Variants in HDAC4 observed in about 807,000 individuals in gnomAD.
The protein encoded by HDAC4 is histone deacetylase A.
HDAC4 carries 16 observed loss-of-function variants against 135.1 expected under a neutral mutation model. The observed-to-expected ratio is 0.12, with a 90% CI of 0.08 to 0.18. The LOEUF (loss-of-function observed/expected upper bound fraction) is 0.18, where lower values mean the gene tolerates loss of function less well. Among genes scored for constraint, HDAC4 ranks in the 10% least tolerant of loss-of-function variants. The pLI, the probability that HDAC4 is intolerant of heterozygous loss-of-function variation, is 1.00. For missense variants in HDAC4, 1,143 were observed against 1,511.8 expected (o/e 0.76, Z 4.05); for synonymous variants, 685 against 653.4 (o/e 1.05, Z -0.74).
chr2:239,183,889 G>A (rs2044314862), intron 4 of HDAC4, among the ~76,000 whole-genome samples: 1 of 144,144 alleles, frequency 6.9e-6, no homozygotes, highest in South Asian at 2.5e-4. Context: ...CATGACCCAC[G>A]CTCCCAGTGC....
intron 16 of HDAC4, among the ~76,000 whole-genome samples, chr2:239,096,538 C>CA (rs1482381084): frequency 9.5e-6 from 1 of 105,322 alleles, no homozygotes; most frequent in Non-Finnish European, 2.0e-5. Flanking sequence ...CAGTACCCCC[C>CA]ACGGATGCCC....
intron 2 of HDAC4, among the ~76,000 whole-genome samples, chr2:239,270,422 T>C (rs2049995853): frequency 6.6e-6 from 1 of 152,006 alleles, no homozygotes. Flanking sequence ...GGAAATTTCA[T>C]GGTGAGACAC....
At chr2:239,104,347 G>C (rs2037932553) in intron 15 of HDAC4, among the ~76,000 whole-genome samples, 1 of 152,170 alleles carries the variant, frequency 6.6e-6, no homozygotes, top group Non-Finnish European at 1.5e-5. Context: ...TCCTGCCTCA[G>C]CCTCCTGAGT....
intron 3 of HDAC4, among the ~76,000 whole-genome samples, chr2:239,225,182 A>G (rs555430423): frequency 1.3e-5 from 2 of 152,386 alleles, no homozygotes; most frequent in Admixed American, 1.3e-4. Context: ...AAACACCAAG[A>G]CTTTATGAAG....
chr2:239,221,749 C>T (rs1207306616), intron 3 of HDAC4, among the ~76,000 whole-genome samples: 2 of 152,166 alleles, frequency 1.3e-5, no homozygotes, highest in African/African-American at 2.4e-5. Context: ...TTCAGCCAGT[C>T]ATCGTGGACG....
At chr2:239,346,340 G>A (rs919238080) in intron 2 of HDAC4, among the ~76,000 whole-genome samples, 10 of 139,364 alleles carry the variant, frequency 7.2e-5, no homozygotes, top group East Asian at 2.2e-4. Context: ...ATACACACCC[G>A]TCTAAAACAC....
rs1400903157 is a variant in HDAC4 at position 239,167,560 on chromosome 2, T to C, written c.491-3637A>G. On this transcript the variant is annotated intron_variant, in intron 5 of 26. Coordinates refer to ENST00000543185, the MANE Select transcript of HDAC4 (RefSeq NM_001378414.1). The surrounding 1 kb of genome is among the most constrained non-coding windows in gnomAD (Gnocchi z 4.1). Reference sequence around the variant, plus strand: ...GGAATCTTCTTTTGATCTTTCAGACTTTACTAGGAGAGTATTCAAAATGAG... The same window carrying C: ...GGAATCTTCTTTTGATCTTTCAGACCTTACTAGGAGAGTATTCAAAATGAG... 2.6e-5 allele frequency among the ~76,000 whole-genome samples: 4 copies of C among 152,120 alleles called. No individual in the cohort carries two copies. Among genetic ancestry groups the C allele is most frequent in the African/African-American group, 9.7e-5 (4 of 41,414 alleles).
At chr2:239,264,764 C>T (rs76941288) in intron 2 of HDAC4, among the ~76,000 whole-genome samples, 3,370 of 152,320 alleles carry the variant, frequency 0.022, 123 homozygotes, top group African/African-American at 0.077. Context: ...CCATGCCTTG[C>T]GGCAGGTCCC....
rs1241141936 is a variant in HDAC4 at position 239,198,916 on chromosome 2, C to T, written c.95-8839G>A. Among the ~76,000 whole-genome samples the T allele has an allele frequency of 3.9e-5, 6 of 152,162 alleles. No individual in the cohort carries two copies. The South Asian group carries it at 8.3e-4, about 21-fold the overall frequency. ...GGGAAGCAGGCCCCAGTCGTCACTG[C>T]GAAGACTTCCAAATCAAATGCCATC... On this transcript the variant is annotated intron_variant, in intron 3 of 26. Transcript: ENST00000543185.
intron 11 of HDAC4, 54 bp from the exon 12 acceptor site, chr2:239,126,748 GGA>G: frequency 6.4e-7 from 1 of 1,561,510 alleles, no homozygotes; most frequent in Admixed American, 1.7e-5. Flanking sequence ...AAGAGAGGAG[GGA>G]GAGAGGGCTA....
At chr2:239,274,376 ACCAAACGACAGGACAAGC>A (rs1381953951) in intron 2 of HDAC4, among the ~76,000 whole-genome samples, 1 of 152,094 alleles carries the variant, frequency 6.6e-6, no homozygotes, top group Non-Finnish European at 1.5e-5. Context: ...TGTGATCATT[ACCAAACGACAGGACAAGC>A]CCAGTGCACC....
At chr2:239,189,718 G>A (rs1180452837) in intron 4 of HDAC4, 115 bp downstream of exon 4, 6 of 983,242 alleles carry the variant, frequency 6.1e-6, no homozygotes, top group Non-Finnish European at 7.8e-6. Flanking sequence ...GCCTCCTGCA[G>A]GAACCCTGCA....
intron 8 of HDAC4, among the ~76,000 whole-genome samples, chr2:239,142,674 G>A (rs2041469658): frequency 6.6e-6 from 1 of 151,752 alleles, no homozygotes; most frequent in African/African-American, 2.4e-5. Flanking sequence ...ATGGCTCCTG[G>A]GTGAGCTCGG....
At chr2:239,185,293 G>A (rs1396953453) in intron 4 of HDAC4, among the ~76,000 whole-genome samples, 1 of 151,648 alleles carries the variant, frequency 6.6e-6, no homozygotes, top group Non-Finnish European at 1.5e-5. Context: ...GGAGAGGAAT[G>A]CCCTAAAGGG....
At chr2:239,198,695 G>A (rs2045562493) in intron 3 of HDAC4, among the ~76,000 whole-genome samples, 1 of 152,174 alleles carries the variant, frequency 6.6e-6, no homozygotes, top group Non-Finnish European at 1.5e-5. Flanking sequence ...GTCACCTGCT[G>A]TCAGTTGCCA....
chr2:239,079,627 G>A (rs1190966965), intron 22 of HDAC4, among the ~76,000 whole-genome samples: 3 of 152,208 alleles, frequency 2.0e-5, no homozygotes, highest in South Asian at 2.1e-4. Context: ...CACACAAGAC[G>A]TTTACACATG....
chr2:239,227,041 A>G (rs2047284216), intron 3 of HDAC4, among the ~76,000 whole-genome samples: 1 of 152,262 alleles, frequency 6.6e-6, no homozygotes, highest in Non-Finnish European at 1.5e-5. Context: ...TGGAAGTCAG[A>G]AAGGATCTGG....
At chr2:239,098,824 T>G (rs1468135998) in intron 16 of HDAC4, among the ~76,000 whole-genome samples, 1 of 152,236 alleles carries the variant, frequency 6.6e-6, no homozygotes, top group Non-Finnish European at 1.5e-5. Context: ...TAATGAAGTT[T>G]CTGGGTTAGG....
At chr2:239,392,481 TTTTC>T (rs1466399929) in intron 1 of HDAC4, among the ~76,000 whole-genome samples, 2 of 152,090 alleles carry the variant, frequency 1.3e-5, no homozygotes, top group Non-Finnish European at 2.9e-5. Context: ...CTCCCAATGG[TTTTC>T]TTTATGGCTC....
Sources: gnomAD v4.1 joint callset for allele counts (sites outside exome capture counted in the v4.1 genomes callset) on GRCh38, gnomAD v4.1.1 for gene constraint, Gnocchi (gnomAD v3.1) non-coding constraint, MANE v1.5 for transcripts, NCBI Gene and HGNC (gene_info 2026-07-23, HGNC 2026-07-21) for gene names.